The following EIF4E3 variants were observed in gnomAD, a reference collection of about 807,000 sequenced individuals.
The protein encoded by EIF4E3 is eukaryotic translation initiation factor 4E family member 3, also known as eukaryotic translation initiation factor 4E type 3.
EIF4E3 carries 26 observed loss-of-function variants against 31.7 expected under a neutral mutation model. The observed-to-expected ratio is 0.82, with a 90% CI of 0.60 to 1.14. The LOEUF (loss-of-function observed/expected upper bound fraction) is 1.14. EIF4E3 is among the 50% of genes most tolerant of loss of function. The pLI is 0.00. For synonymous variants in EIF4E3, 128 were observed against 107.7 expected (o/e 1.19, Z -1.17); for missense variants, 304 against 270.9 (o/e 1.12, Z -0.86).
chr3:71,689,079 A>C (rs892895632), intron 6 of EIF4E3, among the ~76,000 whole-genome samples: 2 of 152,258 alleles, frequency 1.3e-5, no homozygotes, highest in African/African-American at 4.8e-5. Flanking sequence ...CGCACTCCTC[A>C]CAACTACCAC....
upstream of EIF4E3, among the ~76,000 whole-genome samples, chr3:71,728,235 G>C (rs1433429043): frequency 1.3e-5 from 2 of 152,194 alleles, no homozygotes; most frequent in East Asian, 3.8e-4. Context: ...AATGGCTAAG[G>C]AGGGAACAAT....
rs112112445 is a variant in EIF4E3 at position 71,687,868 on chromosome 3, T to C, written c.628+2142A>G. Among the ~76,000 whole-genome samples the C allele has an allele frequency of 2.6e-3, 393 of 152,324 alleles. 6 individuals are homozygous for C. Among genetic ancestry groups the C allele is most frequent in the African/African-American group, 8.3e-3 (344 of 41,576 alleles). On this transcript the variant is annotated intron_variant, in intron 6 of 6. Coordinates refer to ENST00000425534, the MANE Select transcript of EIF4E3 (RefSeq NM_001134651.2). Reference sequence around the variant, plus strand: ...TATTAACCAAACCAGAGTAAAAGCATACATTGGCCATTTCTAACTTAGCTT... The same window carrying C: ...TATTAACCAAACCAGAGTAAAAGCACACATTGGCCATTTCTAACTTAGCTT...
At chr3:71,707,406 A>C (rs922174000) in intron 2 of EIF4E3, among the ~76,000 whole-genome samples, 1 of 152,208 alleles carries the variant, frequency 6.6e-6, no homozygotes, top group African/African-American at 2.4e-5. Flanking sequence ...GTAACACTTA[A>C]GTAAAAGCTG....
chr3:71,709,071 T>C (rs1251835874), intron 2 of EIF4E3, among the ~76,000 whole-genome samples: 2 of 152,096 alleles, frequency 1.3e-5, no homozygotes, highest in African/African-American at 4.8e-5. Flanking sequence ...TTGAACCAGA[T>C]ACTGGGACCA....
chr3:71,727,138 T>C (rs1047012400), upstream of EIF4E3, among the ~76,000 whole-genome samples: 1 of 152,190 alleles, frequency 6.6e-6, no homozygotes, highest in African/African-American at 2.4e-5. Flanking sequence ...CCTACCTCTC[T>C]ACACAGAACA....
At chr3:71,725,896 G>C (rs1269419393), upstream of EIF4E3, among the ~76,000 whole-genome samples, 1 of 152,114 alleles carries the variant, frequency 6.6e-6, no homozygotes, top group Non-Finnish European at 1.5e-5. This position sits in a 1 kb window ranked among gnomAD's most constrained non-coding sequence, Gnocchi z 6.1. Flanking sequence ...CAGATGGCTG[G>C]AGGAGAGAAG....
At position 71,678,754 on chromosome 3, in the gene EIF4E3, A is replaced by T. The variant is rs1217234919; in HGVS notation, c.*5928T>A. 2 of 152,298 alleles carry T rather than the reference A, an allele frequency of 1.3e-5. No individual in the cohort carries two copies. The highest frequency in any genetic ancestry group is 1.3e-4 in the Admixed American group (2 of 15,282). The allele number at this position is 152,298 out of a possible 1,614,324, so 9.4% of individuals were successfully genotyped here. A position where few individuals can be genotyped will look rare whatever the true frequency, so the allele number is the denominator to read the frequency against. ...AATAGGGGGGTGGGGGCACAAGCAG[A>T]TCCAAAACATAATCAAACAAACCTG... On this transcript the variant is annotated 3_prime_UTR_variant, in exon 7 of 7. Transcript: ENST00000425534.
intron 6 of EIF4E3, among the ~76,000 whole-genome samples, chr3:71,688,014 T>TG (rs1446375321): frequency 7.3e-6 from 1 of 137,894 alleles, no homozygotes; most frequent in Non-Finnish European, 1.5e-5. Context: ...GAAAACTGCT[T>TG]GTTTTTTTTC....
chr3:71,660,506 A>T, the EIF4E3 span, among the ~76,000 whole-genome samples: 1 of 152,188 alleles, frequency 6.6e-6, no homozygotes. Context: ...CTCTGAATGG[A>T]GAGAGAGCGA....
intron 2 of EIF4E3, among the ~76,000 whole-genome samples, chr3:71,709,752 A>G (rs901632773): frequency 6.6e-6 from 1 of 152,210 alleles, no homozygotes; most frequent in African/African-American, 2.4e-5. Flanking sequence ...TAATAGAACT[A>G]AGAGCCTGCA....
At chr3:71,699,779 T>C in intron 2 of EIF4E3, 71 bp from the exon 3 acceptor site, 8 of 1,311,384 alleles carry the variant, frequency 6.1e-6, no homozygotes, top group Non-Finnish European at 8.5e-6. Context: ...GATTATCAAA[T>C]TAATGCATTA....
At chr3:71,730,677 C>G (rs1299524438) in intron 1 of EIF4E3, among the ~76,000 whole-genome samples, 1 of 152,180 alleles carries the variant, frequency 6.6e-6, no homozygotes, top group Non-Finnish European at 1.5e-5. Flanking sequence ...TCGTCCTGAT[C>G]TGCCTGCAAT....
At chr3:71,754,661 G>A, upstream of EIF4E3, 1 of 1,502,860 alleles carries the variant, frequency 6.7e-7, no homozygotes, top group Non-Finnish European at 8.8e-7. The surrounding 1 kb of genome is among the most constrained non-coding windows in gnomAD (Gnocchi z 5.8). Flanking sequence ...ACCTCCGCCT[G>A]CTCTTCTTCA....
chr3:71,722,146 G>A (rs970819572), intron 1 of EIF4E3, among the ~76,000 whole-genome samples: 2 of 152,158 alleles, frequency 1.3e-5, no homozygotes, highest in Non-Finnish European at 2.9e-5. Context: ...TTCTGGGCTG[G>A]GCAACTGGAA....
chr3:71,661,576 A>C, the EIF4E3 span, among the ~76,000 whole-genome samples: 1 of 152,200 alleles, frequency 6.6e-6, no homozygotes, highest in Admixed American at 6.5e-5. Flanking sequence ...CCTCTCCTTC[A>C]GGGTAGCAAA....
chr3:71,724,426 AAAAG>A (rs1484795775), intron 1 of EIF4E3, among the ~76,000 whole-genome samples: 1 of 152,234 alleles, frequency 6.6e-6, no homozygotes, highest in Non-Finnish European at 1.5e-5. Context: ...ATTAGGAAGA[AAAAG>A]AAGGCAGGGC....
intron 3 of EIF4E3, among the ~76,000 whole-genome samples, chr3:71,698,462 C>T (rs1266630765): frequency 6.6e-6 from 1 of 152,196 alleles, no homozygotes; most frequent in Non-Finnish European, 1.5e-5. Context: ...CACTGCTTAA[C>T]ATCTGCTCCC....
intron 5 of EIF4E3, 58 bp from the exon 6 acceptor site, chr3:71,690,223 T>A (rs1449892449): frequency 6.0e-6 from 9 of 1,495,876 alleles, no homozygotes; most frequent in Non-Finnish European, 8.0e-6. Context: ...AGTCTGACTG[T>A]TTCTAAGAAC....
intron 2 of EIF4E3, among the ~76,000 whole-genome samples, chr3:71,709,278 T>C (rs966655677): frequency 1.1e-4 from 16 of 152,236 alleles, no homozygotes; most frequent in Non-Finnish European, 1.0e-4. Flanking sequence ...GCAGCCACAA[T>C]AGCCTTATTC....
Sources: gnomAD v4.1 joint callset for allele counts (sites outside exome capture counted in the v4.1 genomes callset) on GRCh38, gnomAD v4.1.1 for gene constraint, Gnocchi (gnomAD v3.1) non-coding constraint, MANE v1.5 for transcripts, NCBI Gene and HGNC (gene_info 2026-07-23, HGNC 2026-07-21) for gene names.